TTN: variants seen among roughly 807,000 people sequenced by gnomAD.
TTN encodes the protein connectin.
A neutral mutation model predicts 3,223.0 loss-of-function variants in TTN; 1,525 were observed. The observed-to-expected ratio is 0.47, with a 90% CI of 0.45 to 0.49. The LOEUF is 0.49. Among genes scored for constraint, TTN ranks in the 20% least tolerant of loss-of-function variants. TTN has a pLI of 0.00. For synonymous variants in TTN, 14,094 were observed against 15,161.0 expected, an observed-to-expected ratio of 0.93 and a Z score of 5.17; for missense variants, 40,786 against 43,424.0, an observed-to-expected ratio of 0.94 and a Z score of 5.40.
chr2:178,701,325 G>T, intron 110 of TTN, 122 bp from the exon 111 acceptor site: 1 of 1,045,380 alleles, frequency 9.6e-7, no homozygotes, highest in Non-Finnish European at 1.4e-6. Context: ...TTCATCAGTC[G>T]GAACAAATAA....
At position 178,647,135 on chromosome 2, in the gene TTN, G is replaced by A. The variant is rs1349371883; in HGVS notation, c.40151C>T (p.Thr13384Ile). The A allele has an allele frequency of 9.8e-6, 14 of 1,433,822 alleles. No individual in the cohort carries two copies. Among genetic ancestry groups the A allele is most frequent in the South Asian group, 1.5e-5 (1 of 65,318 alleles). The allele number at this position is 1,433,822 out of a possible 1,614,324, so 88.8% of individuals were successfully genotyped here. Residue 13384 changes from threonine to isoleucine, a missense_variant, in exon 215 of 363, where the codon ACT (threonine) becomes ATT (isoleucine). Thr to Ile is a moderately conservative substitution (Grantham distance 89). Transcript: ENST00000589042. ...TTCTTCATATATTATTTCCTCAGGA[G>A]TCTCTTCAACTTTAAAAAACATAGT... Reference protein sequence around the residue: ...PEVPPAEVEETPEEIIYEEKA... With the variant: ...PEVPPAEVEEIPEEIIYEEKA...
At chr2:178,578,270 C>G in intron 321 of TTN, 85 bp from the exon 322 acceptor site, 3 of 1,179,124 alleles carry the variant, frequency 2.5e-6, no homozygotes, top group Non-Finnish European at 3.6e-6. Context: ...TTATACATAT[C>G]CATATATATT....
rs1173487758 is a variant in TTN, at chr2:178,617,912, A to G, written c.47439T>C (p.Ala15813=). The change falls in exon 253 of 363, where the codon GCT becomes GCC. Residue 15813 remains alanine, a synonymous_variant. Transcript: ENST00000589042. ...IRWDTAMTVR[A]EDLSATVTDV... is the part of the protein sequence containing the mutation. Reference sequence around the variant, plus strand: ...CAGTAACAGTTGCAGACAGGTCTTCAGCTCTCACAGTCATGGCAGTATCCC... The same window carrying G: ...CAGTAACAGTTGCAGACAGGTCTTCGGCTCTCACAGTCATGGCAGTATCCC... 1 of 1,612,716 alleles carries G rather than the reference A, an allele frequency of 6.2e-7. No individual in the cohort carries two copies. The highest frequency in any genetic ancestry group is 1.7e-5 in the Admixed American group (1 of 59,938).
At chr2:178,637,457 C>T (rs1049240418) in intron 223 of TTN, 38 bp from the exon 224 acceptor site, 22 of 1,357,522 alleles carry the variant, frequency 1.6e-5, no homozygotes, top group African/African-American at 1.5e-4. Flanking sequence ...AAACACTTTT[C>T]GGACTTATTT....
At chr2:178,618,879 G>T in intron 250 of TTN, 26 bp from the exon 251 acceptor site, 4 of 1,598,212 alleles carry the variant, frequency 2.5e-6, no homozygotes, top group Non-Finnish European at 3.4e-6. Context: ...ACATGTGAAC[G>T]CTTTCGACTA....
chr2:178,588,754 C>T lies in TTN; in HGVS notation c.62971G>A (p.Gly20991Ser), dbSNP rs1158285735. The stretch of plus-strand genomic sequence containing the variant: ...AAGTATCCAGTTATAGACTTTCCAC[C>T]ATCATATTCAGGTGGATTCCAAACC... ...TVVWNPPEYD[G>S]GKSITGYFLE... Residue 20991 changes from glycine to serine, a missense_variant, in exon 304 of 363, where the codon GGT becomes AGT. By Grantham distance (56) the Gly-to-Ser change is moderately conservative. Transcript: ENST00000589042. The T allele has an allele frequency of 1.2e-6, 2 of 1,613,164 alleles. No individual in the cohort carries two copies. The highest frequency in any genetic ancestry group is 4.5e-5 in the East Asian group (2 of 44,710).
chr2:178,681,687 G>T lies in TTN; in HGVS notation c.33146C>A (p.Thr11049Lys). The T allele has an allele frequency of 6.2e-7, 1 of 1,605,658 alleles. No individual in the cohort carries two copies. The highest frequency in any genetic ancestry group is 2.2e-5 in the East Asian group (1 of 44,800). Reference protein sequence around the residue: ...VKPVPEEPVPTKPKAPPAKVL... With the variant: ...VKPVPEEPVPKKPKAPPAKVL... ...TTTAGCCGGTGGGGCCTTTGGTTTT[G>T]TGGGAACTGGTTCTTCTGGGACAGG... The change falls in exon 136 of 363, where the codon ACA becomes AAA. Residue 11049 changes from threonine to lysine, a missense_variant. Physicochemically the swap from Thr to Lys is moderately conservative, Grantham distance 78. Coordinates refer to ENST00000589042, the MANE Select transcript of TTN (RefSeq NM_001267550.2).
intron 157 of TTN, 23 bp downstream of exon 157, chr2:178,670,195 G>A (rs1233657708): frequency 9.2e-6 from 13 of 1,405,526 alleles, no homozygotes; most frequent in Non-Finnish European, 1.2e-5. Flanking sequence ...TTATATTAAT[G>A]ATGAATGAGA....
At chr2:178,794,255 T>C in intron 8 of TTN, 144 bp downstream of exon 8, 1 of 1,274,248 alleles carries the variant, frequency 7.8e-7, no homozygotes, top group Non-Finnish European at 1.1e-6. Flanking sequence ...CAGAAAGTTC[T>C]AAAAGTCTGG....
At chr2:178,782,189 T>A in intron 20 of TTN, 23 bp downstream of exon 20, 1 of 1,613,416 alleles carries the variant, frequency 6.2e-7, no homozygotes, top group South Asian at 1.1e-5. Flanking sequence ...CACAGAGAAC[T>A]CTATATTCAG....
In TTN at chr2:178,679,409, C is replaced by G; in HGVS notation, c.33672G>C (p.Glu11224Asp). The change falls in exon 142 of 363, where the codon GAG becomes GAC. Residue 11224 changes from glutamate to aspartate, a missense_variant. Coordinates refer to ENST00000589042, the MANE Select transcript of TTN (RefSeq NM_001267550.2). ...CTTTCTCCTCTGGCTTCTTAGGAAC[C>G]TCAGGCACTTTAAAGATATTGTTTA... ...KKEAPPAKVP[E>D]VPKKPEEKVP... 1 of 1,612,436 alleles carries G rather than the reference C, an allele frequency of 6.2e-7. No homozygotes were observed. Among genetic ancestry groups the G allele is most frequent in the Non-Finnish European group, 8.5e-7 (1 of 1,179,040 alleles).
chr2:178,615,823 C>T lies in TTN; in HGVS notation c.48313-35G>A, dbSNP rs765798511. The T allele has an allele frequency of 1.8e-5, 28 of 1,572,978 alleles. No individual in the cohort carries two copies. The East Asian group carries it at 5.5e-4, about 31-fold the overall frequency. On this transcript the variant is annotated intron_variant, in intron 257 of 362. Coordinates refer to ENST00000589042, the MANE Select transcript of TTN (RefSeq NM_001267550.2). Reference sequence around the variant, plus strand: ...AGAAATACAGTTAATCAGTTATTTCCAAAAAACCCTTTCGCCAACCCAAAA... The same window carrying T: ...AGAAATACAGTTAATCAGTTATTTCTAAAAAACCCTTTCGCCAACCCAAAA...
intron 34 of TTN, 39 bp from the exon 35 acceptor site, chr2:178,770,714 G>C (rs760585235): frequency 1.3e-6 from 2 of 1,599,338 alleles, no homozygotes; most frequent in Non-Finnish European, 8.5e-7. Context: ...AAATATAGAT[G>C]ACATCATCAA....
intron 55 of TTN, 41 bp from the exon 56 acceptor site, chr2:178,732,759 G>C (rs764792299): frequency 3.8e-6 from 6 of 1,564,250 alleles, no homozygotes; most frequent in Non-Finnish European, 5.2e-6. Context: ...AGAGTTAAGA[G>C]GGTTGATCTA....
rs1709465876 is a variant in TTN, at chr2:178,574,755, T to A, written c.71377A>T (p.Thr23793Ser). Residue 23793 changes from threonine (T) to serine (S), a missense_variant, in exon 326 of 363, where the codon ACT (threonine) becomes TCT (serine). Transcript: ENST00000589042. ...ACACGGAACTGATACTCTAATCCAG[T>A]AGTAAGGCGGGTGGCTTTATAGGTA... ...RTTYKATRLT[T>S]GLEYQFRVKA... is the part of the protein sequence containing the mutation. The A allele has an allele frequency of 1.2e-6, 2 of 1,612,618 alleles. No individual in the cohort carries two copies. Among genetic ancestry groups the A allele is most frequent in the African/African-American group, 2.7e-5 (2 of 75,018 alleles).
chr2:178,617,159 A>G lies in TTN; in HGVS notation c.47836T>C (p.Ser15946Pro), dbSNP rs369663023. Residue 15946 changes from serine to proline, a missense_variant, in exon 255 of 363, where the codon TCT becomes CCT. Coordinates refer to ENST00000589042, the MANE Select transcript of TTN (RefSeq NM_001267550.2). ...AENKAGVSDPSEILGPLTADD... is the reference protein window; with the variant it reads ...AENKAGVSDPPEILGPLTADD... ...GCGGTGAGAGGACCAAGAATTTCAG[A>G]TGGATCTGAAACACCAGCTTTATTT... 2.1e-5 allele frequency: 34 copies of G among 1,606,034 alleles called. No homozygotes were observed. Among genetic ancestry groups the G allele is most frequent in the Non-Finnish European group, 1.8e-5 (21 of 1,176,042 alleles).
chr2:178,759,469 A>G (rs1027453853), intron 43 of TTN, among the ~76,000 whole-genome samples: 2 of 152,240 alleles, frequency 1.3e-5, no homozygotes, highest in Admixed American at 1.3e-4. Flanking sequence ...ATGCAGTGGA[A>G]GCAGAGACAA....
intron 6 of TTN, chr2:178,798,807 A>C (rs1191851068): frequency 6.6e-6 from 1 of 152,424 alleles, no homozygotes; most frequent in African/African-American, 2.4e-5. Context: ...ATATAATAAC[A>C]ATTATTTTAT....
intron 112 of TTN, 150 bp downstream of exon 112, chr2:178,698,693 G>T: frequency 1.4e-6 from 1 of 711,098 alleles, no homozygotes; most frequent in Non-Finnish European, 2.3e-6. Flanking sequence ...AGTGAGGACT[G>T]AGTCAAAGAC....
Sources: gnomAD v4.1 joint callset for allele counts (sites outside exome capture counted in the v4.1 genomes callset) on GRCh38, gnomAD v4.1.1 for gene constraint, MANE v1.5 for transcripts, NCBI Gene and HGNC (gene_info 2026-07-23, HGNC 2026-07-21) for gene names.